The following DLG2 variants were observed in gnomAD, a reference collection of about 807,000 sequenced individuals.
DLG2 encodes discs large MAGUK scaffold protein 2, also known as disks large homolog 2.
DLG2 carries 45 observed loss-of-function variants against 132.5 expected under a neutral mutation model. The observed-to-expected ratio is 0.34, with a 90% CI of 0.27 to 0.44. The LOEUF is 0.44. Ranked by LOEUF, DLG2 falls within the 20% of genes least tolerant of loss-of-function variation. The pLI is 1.00. For synonymous variants in DLG2, 424 were observed against 419.6 expected (o/e 1.01, Z -0.13); for missense variants, 1,045 against 1,196.9 (o/e 0.87, Z 1.87).
At chr11:84,639,599 C>G (rs1481050525) in intron 6 of DLG2, among the ~76,000 whole-genome samples, 3 of 152,162 alleles carry the variant, frequency 2.0e-5, no homozygotes, top group Non-Finnish European at 4.4e-5. Context: ...AAGACTAAAA[C>G]CCAATGCTCC....
chr11:85,062,336 A>T (rs2064242771), intron 6 of DLG2, among the ~76,000 whole-genome samples: 1 of 151,758 alleles, frequency 6.6e-6, no homozygotes, highest in Admixed American at 6.6e-5. Context: ...CCAGGTAAAA[A>T]TTTCATATAA....
chr11:84,694,343 T>A (rs2058385680), intron 6 of DLG2, among the ~76,000 whole-genome samples: 1 of 151,692 alleles, frequency 6.6e-6, no homozygotes, highest in Admixed American at 6.6e-5. Flanking sequence ...CTTGAACGAA[T>A]CAGTTTTACA....
intron 6 of DLG2, among the ~76,000 whole-genome samples, chr11:84,634,864 A>G (rs947280482): frequency 1.3e-5 from 2 of 152,192 alleles, no homozygotes; most frequent in Non-Finnish European, 2.9e-5. Flanking sequence ...ATCTGCTTCA[A>G]CAAGCCTTTT....
At chr11:85,579,055 A>T (rs921992919) in intron 3 of DLG2, among the ~76,000 whole-genome samples, 1 of 152,176 alleles carries the variant, frequency 6.6e-6, no homozygotes, top group South Asian at 2.1e-4. Context: ...ACAGCCATAA[A>T]AAAGAACATG....
At chr11:83,989,913 G>A (rs1449952260) in intron 11 of DLG2, among the ~76,000 whole-genome samples, 1 of 152,054 alleles carries the variant, frequency 6.6e-6, no homozygotes, top group East Asian at 1.9e-4. Flanking sequence ...AAGAAAATTG[G>A]TTACCATTTT....
chr11:84,171,708 C>T (rs564672070), intron 8 of DLG2, among the ~76,000 whole-genome samples: 5 of 151,976 alleles, frequency 3.3e-5, no homozygotes, highest in East Asian at 3.9e-4. Flanking sequence ...CTTTTTGATA[C>T]GATGATTTAT....
In DLG2 at chr11:83,792,418, T is replaced by C. The variant is rs145316352; in HGVS notation, c.1723-5626A>G. On this transcript the variant is annotated intron_variant, in intron 17 of 27. Transcript: ENST00000376104. The stretch of plus-strand genomic sequence containing the variant: ...ATAAAATTAATATACCCACATCATA[T>C]CCATATATCATAAGTAAGGCACAAT... Among the ~76,000 whole-genome samples, 1,144 of 152,258 alleles carry C rather than the reference T, an allele frequency of 7.5e-3. 10 individuals are homozygous for C. The highest frequency in any genetic ancestry group is 0.028 in the East Asian group (144 of 5,192).
chr11:83,739,832 T>C (rs1275297403), intron 18 of DLG2, among the ~76,000 whole-genome samples: 1 of 152,154 alleles, frequency 6.6e-6, no homozygotes, highest in Non-Finnish European at 1.5e-5. Flanking sequence ...CATGGACTCA[T>C]CACAGTGCAG....
chr11:84,932,882 T>C (rs551089516), intron 6 of DLG2, among the ~76,000 whole-genome samples: 1 of 152,340 alleles, frequency 6.6e-6, no homozygotes, highest in African/African-American at 2.4e-5. Flanking sequence ...TACCCAGTAA[T>C]GGGATTGCTA....
intron 7 of DLG2, among the ~76,000 whole-genome samples, chr11:84,508,960 A>G (rs1443107654): frequency 6.6e-6 from 1 of 152,224 alleles, no homozygotes; most frequent in Non-Finnish European, 1.5e-5. Flanking sequence ...CTTACTACCA[A>G]TGTATAAAAA....
chr11:83,769,105 C>A (rs2094271344), intron 18 of DLG2, among the ~76,000 whole-genome samples: 1 of 152,192 alleles, frequency 6.6e-6, no homozygotes, highest in African/African-American at 2.4e-5. Context: ...CCTGTTCTTT[C>A]TACATTCACT....
chr11:83,633,159 C>G (rs765581021), intron 19 of DLG2, 52 bp downstream of exon 19: 2 of 1,562,602 alleles, frequency 1.3e-6, no homozygotes, highest in East Asian at 4.5e-5. Context: ...CCTTTGTTTT[C>G]TCAAGTTGAA....
intron 16 of DLG2, among the ~76,000 whole-genome samples, chr11:83,849,591 G>T (rs187596165): frequency 6.6e-6 from 1 of 151,868 alleles, no homozygotes; most frequent in Non-Finnish European, 1.5e-5. Context: ...CTAGATGGGG[G>T]TCTATGGAAG....
intron 6 of DLG2, among the ~76,000 whole-genome samples, chr11:84,829,351 A>T (rs2078731418): frequency 6.6e-6 from 1 of 151,654 alleles, no homozygotes; most frequent in Admixed American, 6.6e-5. Flanking sequence ...TTTCACAGCC[A>T]CCATAGGGGC....
chr11:84,585,857 A>T (rs146041017), intron 6 of DLG2, among the ~76,000 whole-genome samples: 227 of 152,348 alleles, frequency 1.5e-3, no homozygotes, highest in Middle Eastern at 3.4e-3. Context: ...TGACATTAAA[A>T]CGTATCTTAT....
intron 6 of DLG2, among the ~76,000 whole-genome samples, chr11:84,980,589 C>T (rs1372797841): frequency 2.0e-5 from 3 of 152,126 alleles, no homozygotes; most frequent in African/African-American, 7.2e-5. Context: ...TAAGAAACCC[C>T]AAACAGGGTT....
chr11:85,399,572 C>G (rs2087819422), intron 3 of DLG2, among the ~76,000 whole-genome samples: 2 of 152,094 alleles, frequency 1.3e-5, no homozygotes, highest in Non-Finnish European at 2.9e-5. Context: ...GGTACTGGTA[C>G]TAAAACAGAC....
chr11:84,465,194 ATTAC>A (rs1567706318), intron 7 of DLG2, among the ~76,000 whole-genome samples: 1 of 151,194 alleles, frequency 6.6e-6, no homozygotes, highest in African/African-American at 2.4e-5. Flanking sequence ...ACGAACTGTG[ATTAC>A]TTCATAAAGG....
chr11:84,735,670 C>G (rs894564115), intron 6 of DLG2, among the ~76,000 whole-genome samples: 1 of 151,726 alleles, frequency 6.6e-6, no homozygotes, highest in Admixed American at 6.6e-5. Flanking sequence ...ATTTCTTGCC[C>G]TCTGCTAGCT....
Sources: allele counts gnomAD v4.1 joint callset (sites outside exome capture counted in the v4.1 genomes callset), GRCh38; gene constraint gnomAD v4.1.1; transcripts MANE v1.5; gene names NCBI Gene and HGNC (gene_info 2026-07-23, HGNC 2026-07-21).